ZPLD1: variants seen among roughly 807,000 people sequenced by gnomAD.
The protein encoded by ZPLD1 is zona pellucida like domain containing 1.
In ZPLD1, 34 loss-of-function variants were observed where a neutral mutation model predicts 47.2. That is an observed-to-expected ratio of 0.72 (90% CI 0.55 to 0.96). The LOEUF is 0.96. ZPLD1 is among the 40% of genes least tolerant of loss of function. The pLI is 0.00. For missense variants in ZPLD1, 512 were observed against 505.8 expected, an observed-to-expected ratio of 1.01 and a Z score of -0.12; for synonymous variants, 176 against 186.2, an observed-to-expected ratio of 0.95 and a Z score of 0.45.
intron 10 of ZPLD1, among the ~76,000 whole-genome samples, chr3:102,476,219 T>C (rs1368919065): frequency 6.6e-6 from 1 of 152,158 alleles, no homozygotes; most frequent in Non-Finnish European, 1.5e-5. Context: ...GCACGCATTA[T>C]ATGGTTCAAA....
At chr3:102,437,776 A>T (rs1707113093) in intron 2 of ZPLD1, among the ~76,000 whole-genome samples, 1 of 152,210 alleles carries the variant, frequency 6.6e-6, no homozygotes, top group Non-Finnish European at 1.5e-5. Context: ...CCATTACTTT[A>T]TCCTAAGAAT....
At chr3:102,404,724 A>G (rs1346771379) in intron 7 of ZPLD1, among the ~76,000 whole-genome samples, 1 of 152,040 alleles carries the variant, frequency 6.6e-6, no homozygotes. Flanking sequence ...CTCTTCGGCT[A>G]TCTCTTGTGT....
intron 6 of ZPLD1, among the ~76,000 whole-genome samples, chr3:102,391,198 A>G (rs1226566246): frequency 6.6e-6 from 1 of 152,212 alleles, no homozygotes; most frequent in African/African-American, 2.4e-5. Context: ...TCACACTTGC[A>G]GAAAGTTTTA....
At chr3:102,425,080 A>G (rs1706926740) in intron 8 of ZPLD1, among the ~76,000 whole-genome samples, 1 of 152,108 alleles carries the variant, frequency 6.6e-6, no homozygotes, top group South Asian at 2.1e-4. Context: ...TATTACATAC[A>G]GGAGGAAATG....
intron 10 of ZPLD1, among the ~76,000 whole-genome samples, chr3:102,474,052 T>C (rs1292976713): frequency 1.3e-5 from 2 of 152,214 alleles, no homozygotes; most frequent in Non-Finnish European, 2.9e-5. Flanking sequence ...ACTCCTGTTT[T>C]GTTTTGCTTT....
intron 7 of ZPLD1, among the ~76,000 whole-genome samples, chr3:102,397,170 A>T (rs1228138377): frequency 6.6e-6 from 1 of 152,012 alleles, no homozygotes; most frequent in African/African-American, 2.4e-5. Context: ...GTCAGAAAAA[A>T]ATTTTTGGAT....
Position 102,478,912 on chromosome 3 carries a change from T to C in ZPLD1, c.*1294T>C, listed in dbSNP as rs1707799472. 6.6e-6 allele frequency: 1 copy of C among 152,216 alleles called. No individual in the cohort carries two copies. Among genetic ancestry groups the C allele is most frequent in the African/African-American group, 2.4e-5 (1 of 41,466 alleles). 9.4% of individuals were successfully genotyped at this position (152,216 alleles called of 1,614,324 possible). ...AACTATAAGCAATTGCTGTAATCAC[T>C]AATTTCTATTCAACATTTGTGACCC... On this transcript the variant is annotated 3_prime_UTR_variant, in exon 12 of 12. Coordinates refer to ENST00000466937, the MANE Select transcript of ZPLD1 (RefSeq NM_001329788.2).
rs547924969 is a variant in ZPLD1 at position 102,414,638 on chromosome 3, G to T, written c.-156-3422G>T. Among the ~76,000 whole-genome samples, 13 of 151,792 alleles carry T rather than the reference G, an allele frequency of 8.6e-5. No individual in the cohort carries two copies. The South Asian group carries it at 2.3e-3, about 27-fold the overall frequency. On this transcript the variant is annotated intron_variant, in intron 7 of 17. Transcript: ENST00000491959. ...CCTAGTAAAGCTAGTTCCTGGAATT[G>T]ATCATGTGTAAATAAATAACTGCGA...
At position 102,410,132 on chromosome 3, in the gene ZPLD1, G is replaced by A. The variant is rs1396770298; in HGVS notation, c.-156-7928G>A. ...AATTGGAGAGTCTTCCTTTCAGTGT[G>A]AATTTTATTTCCTTTTTCATCTTGA... On this transcript the variant is annotated intron_variant, in intron 7 of 17. Coordinates refer to the ZPLD1 transcript ENST00000491959. Among the ~76,000 whole-genome samples, 3 of 151,716 alleles carry A rather than the reference G, an allele frequency of 2.0e-5. No individual in the cohort carries two copies. In the East Asian group the frequency reaches 5.8e-4, roughly 29 times the overall value.
chr3:102,392,546 CCCTT>C (rs971888484), intron 7 of ZPLD1, among the ~76,000 whole-genome samples: 4 of 132,238 alleles, frequency 3.0e-5, no homozygotes, highest in South Asian at 4.6e-4. Flanking sequence ...CTCCCTCCCT[CCCTT>C]CCTTCCTCCT....
chr3:102,443,316 C>T (rs1413105809), intron 3 of ZPLD1, among the ~76,000 whole-genome samples: 1 of 152,086 alleles, frequency 6.6e-6, no homozygotes, highest in Non-Finnish European at 1.5e-5. Context: ...GTTTTGAGTA[C>T]CAGGCACCTC....
At chr3:102,397,033 A>G (rs1333509336) in intron 7 of ZPLD1, among the ~76,000 whole-genome samples, 2 of 152,130 alleles carry the variant, frequency 1.3e-5, no homozygotes, top group Non-Finnish European at 2.9e-5. Context: ...TTACAGGCAC[A>G]CAATAAATTC....
chr3:102,464,309 GA>G (rs1280564222), intron 8 of ZPLD1, 58 bp downstream of exon 8: 1 of 1,168,594 alleles, frequency 8.6e-7, no homozygotes, highest in Admixed American at 1.8e-5. Context: ...GTAGATAATT[GA>G]AATGGAATAT....
intron 8 of ZPLD1, among the ~76,000 whole-genome samples, chr3:102,419,590 TC>T (rs1467249173): frequency 6.6e-6 from 1 of 151,794 alleles, no homozygotes; most frequent in Admixed American, 6.6e-5. Flanking sequence ...AAGCTTCTTT[TC>T]CCCTTAAAAG....
chr3:102,407,765 C>T (rs1296354739), intron 7 of ZPLD1, among the ~76,000 whole-genome samples: 10 of 151,550 alleles, frequency 6.6e-5, no homozygotes, highest in Admixed American at 4.6e-4. Context: ...GTTTTTAATA[C>T]TGTGTTTATT....
chr3:102,405,615 A>G (rs918846515), intron 7 of ZPLD1, among the ~76,000 whole-genome samples: 6 of 152,076 alleles, frequency 3.9e-5, no homozygotes, highest in Non-Finnish European at 8.8e-5. Context: ...TCAAAGTGGT[A>G]ACTGCTTACT....
intron 7 of ZPLD1, among the ~76,000 whole-genome samples, chr3:102,407,045 T>C (rs1706695887): frequency 6.6e-6 from 1 of 151,810 alleles, no homozygotes; most frequent in African/African-American, 2.4e-5. Context: ...GAGTAGCTCA[T>C]CTTGAAATGC....
intron 7 of ZPLD1, among the ~76,000 whole-genome samples, chr3:102,414,794 G>A (rs1233848136): frequency 6.6e-6 from 1 of 151,742 alleles, no homozygotes; most frequent in Non-Finnish European, 1.5e-5. Flanking sequence ...AGATGTTTAA[G>A]TATCATGCCA....
At chr3:102,385,494 A>T (rs1233606324) in intron 6 of ZPLD1, among the ~76,000 whole-genome samples, 1 of 152,242 alleles carries the variant, frequency 6.6e-6, no homozygotes, top group Non-Finnish European at 1.5e-5. Flanking sequence ...AATCCTTGAA[A>T]TACATTCCTT....
Sources: gnomAD v4.1 joint callset for allele counts (sites outside exome capture counted in the v4.1 genomes callset) on GRCh38, gnomAD v4.1.1 for gene constraint, MANE v1.5 for transcripts, NCBI Gene and HGNC (gene_info 2026-07-23, HGNC 2026-07-21) for gene names.